Variants in TRERF1 observed in about 807,000 individuals in gnomAD.
TRERF1 encodes the protein transcriptional regulating factor 1.
Under a neutral mutation model 122.9 loss-of-function variants are expected in TRERF1, and 27 were observed. The ratio of observed to expected loss-of-function variants is 0.22; its 90% CI spans 0.16 to 0.30. The LOEUF is 0.30. Among genes scored for constraint, TRERF1 ranks in the 10% least tolerant of loss-of-function variants. The pLI is 1.00. For missense variants in TRERF1, 1,248 were observed against 1,560.3 expected (o/e 0.80, Z 3.37); for synonymous variants, 636 against 641.7 (o/e 0.99, Z 0.13).
chr6:42,444,178 C>CTTTTTTTTTTTTTTTTTTCTT, intron 2 of TRERF1, among the ~76,000 whole-genome samples: 1 of 133,860 alleles, frequency 7.5e-6, no homozygotes, highest in Non-Finnish European at 1.6e-5. Context: ...GCAGCCTTTG[C>CTTTTTTTTTTTTTTTTTTCTT]TTTTTTTTTT....
intron 2 of TRERF1, among the ~76,000 whole-genome samples, chr6:42,385,278 G>A (rs1417700097): frequency 6.6e-6 from 1 of 152,064 alleles, no homozygotes; most frequent in East Asian, 1.9e-4. Flanking sequence ...CACCCGACCT[G>A]ATCCTGGTTT....
chr6:42,436,368 CA>C (rs10713410), intron 2 of TRERF1, among the ~76,000 whole-genome samples: 70,784 of 143,996 alleles, frequency 0.49, 19,459 homozygotes, highest in Non-Finnish European at 0.63. Flanking sequence ...GACTCCGTCT[CA>C]AAAAAAAAAA....
intron 2 of TRERF1, among the ~76,000 whole-genome samples, chr6:42,407,706 C>T (rs1049345221): frequency 6.6e-6 from 1 of 151,908 alleles, no homozygotes; most frequent in Non-Finnish European, 1.5e-5. Context: ...TACAGAATTT[C>T]CCCCCTCCTT....
In TRERF1 at chr6:42,423,407, C is replaced by T. The variant is rs1264968258; in HGVS notation, c.-454+27770G>A. On this transcript the variant is annotated intron_variant, in intron 2 of 17. Coordinates refer to ENST00000372922, the Ensembl canonical transcript of TRERF1. ...CTTACTCATTTCTAAACTAGCTCTGCTTGCTAACCCTGGAACCAAACCGAG... is the reference window on the plus strand; with the variant it reads ...CTTACTCATTTCTAAACTAGCTCTGTTTGCTAACCCTGGAACCAAACCGAG... 3.3e-5 allele frequency among the ~76,000 whole-genome samples: 5 copies of T among 152,324 alleles called. No individual in the cohort carries two copies. The East Asian group carries it at 9.6e-4, about 29-fold the overall frequency.
chr6:42,257,160 AG>A (rs1776900041), intron 10 of TRERF1, 58 bp from the exon 11 acceptor site: 1 of 1,589,994 alleles, frequency 6.3e-7, no homozygotes, highest in East Asian at 2.2e-5. Flanking sequence ...GCTCAGGCCA[AG>A]GGCAACTGTC....
chr6:42,390,069 T>C (rs1023660820), intron 2 of TRERF1, among the ~76,000 whole-genome samples: 1 of 152,178 alleles, frequency 6.6e-6, no homozygotes, highest in Non-Finnish European at 1.5e-5. Flanking sequence ...TCTCTCCTTC[T>C]TCAAGTCATC....
intron 2 of TRERF1, among the ~76,000 whole-genome samples, chr6:42,401,337 A>C (rs546096719): frequency 3.9e-5 from 6 of 152,218 alleles, no homozygotes; most frequent in Non-Finnish European, 8.8e-5. Context: ...CTCAAAAGAA[A>C]AGATTCACAA....
At chr6:42,357,328 C>CAAAA (rs35651008) in intron 3 of TRERF1, among the ~76,000 whole-genome samples, 1 of 61,154 alleles carries the variant, frequency 1.6e-5, no homozygotes. Flanking sequence ...GACTCTGTCT[C>CAAAA]AAAAAAAAAA....
At chr6:42,327,246 C>T (rs987122396) in intron 3 of TRERF1, among the ~76,000 whole-genome samples, 1 of 152,156 alleles carries the variant, frequency 6.6e-6, no homozygotes. Flanking sequence ...CATCTGTGCC[C>T]CACTGTGCAT....
At chr6:42,355,493 T>C (rs1581753047) in intron 3 of TRERF1, among the ~76,000 whole-genome samples, 2 of 152,222 alleles carry the variant, frequency 1.3e-5, no homozygotes, top group Admixed American at 6.5e-5. Context: ...GAGACTGGTA[T>C]AGATCCTCCC....
intron 3 of TRERF1, among the ~76,000 whole-genome samples, chr6:42,361,464 T>C (rs1377197269): frequency 2.0e-5 from 3 of 152,226 alleles, no homozygotes; most frequent in Non-Finnish European, 2.9e-5. Context: ...TTTCAAATGT[T>C]TTGTGTTGTT....
At chr6:42,427,444 T>C (rs1349240103) in intron 2 of TRERF1, among the ~76,000 whole-genome samples, 1 of 152,012 alleles carries the variant, frequency 6.6e-6, no homozygotes, top group African/African-American at 2.4e-5. Context: ...AGAGACAGGA[T>C]CTCACTATGT....
intron 3 of TRERF1, among the ~76,000 whole-genome samples, chr6:42,301,422 G>A (rs947864193): frequency 1.3e-5 from 2 of 152,084 alleles, no homozygotes; most frequent in African/African-American, 4.8e-5. Flanking sequence ...TAGAGACGGG[G>A]TTTCACCATG....
rs376782513 is a variant in TRERF1, at chr6:42,243,215, C to T, written c.2859+33G>A. The T allele has an allele frequency of 1.8e-5, 28 of 1,586,792 alleles. No individual in the cohort carries two copies. In the East Asian group the frequency reaches 2.5e-4, roughly 14 times the overall value. On this transcript the variant is annotated intron_variant, in intron 15 of 17. Transcript: ENST00000372922. ...CCTGGGCCTGGGGTGGGAGCTGTCC[C>T]AGCACAAGCAACAACTTAGCAGCTT...
At chr6:42,408,595 C>A (rs1203457938) in intron 2 of TRERF1, among the ~76,000 whole-genome samples, 8 of 151,970 alleles carry the variant, frequency 5.3e-5, no homozygotes, top group Non-Finnish European at 4.4e-5. Flanking sequence ...CCAGGCTGAT[C>A]TCCAACTCCT....
intron 3 of TRERF1, among the ~76,000 whole-genome samples, chr6:42,325,506 G>A (rs1030577375): frequency 1.3e-5 from 2 of 152,122 alleles, no homozygotes; most frequent in South Asian, 4.1e-4. Context: ...GAATCAACTA[G>A]ATGCCCATTA....
intron 3 of TRERF1, among the ~76,000 whole-genome samples, chr6:42,337,683 G>A (rs934308510): frequency 2.7e-4 from 41 of 152,180 alleles, no homozygotes; most frequent in African/African-American, 9.9e-4. Context: ...AGGACACACA[G>A]CCTTCTAATG....
At chr6:42,446,839 C>G (rs1159611673) in intron 2 of TRERF1, among the ~76,000 whole-genome samples, 5 of 152,092 alleles carry the variant, frequency 3.3e-5, no homozygotes, top group Non-Finnish European at 7.4e-5. Context: ...CCTGTCTCTA[C>G]TAAAATAAAA....
At chr6:42,373,842 A>G (rs754011107) in intron 2 of TRERF1, among the ~76,000 whole-genome samples, 6 of 149,228 alleles carry the variant, frequency 4.0e-5, no homozygotes, top group Non-Finnish European at 8.9e-5. Flanking sequence ...AAGAAGAAAG[A>G]AAAGAAAAAA....
Sources: gnomAD v4.1 joint callset for allele counts (sites outside exome capture counted in the v4.1 genomes callset) on GRCh38, gnomAD v4.1.1 for gene constraint, MANE v1.5 for transcripts, NCBI Gene and HGNC (gene_info 2026-07-23, HGNC 2026-07-21) for gene names.